UACA: variants seen among roughly 807,000 people sequenced by gnomAD.
UACA encodes the protein nuclear membrane binding protein.
A neutral mutation model predicts 160.5 loss-of-function variants in UACA; 112 were observed. The ratio of observed to expected loss-of-function variants is 0.70; its 90% CI spans 0.60 to 0.82. The LOEUF is 0.82. Ranked by LOEUF, UACA falls within the 40% of genes least tolerant of loss-of-function variation. The pLI is 0.00. For missense variants in UACA, 1,574 were observed against 1,614.6 expected (o/e 0.97, Z 0.43); for synonymous variants, 557 against 568.4 (o/e 0.98, Z 0.29).
Position 70,668,606 on chromosome 15 carries a change from C to T in UACA, c.2078G>A (p.Arg693Lys), listed in dbSNP as rs1299359674. The part of the protein sequence containing the change: ...KPEEHEQVKS[R>K]LEQKSGELGK... ...AAGTTCTCCTGATTTCTGTTCTAATCTGCTCTTAACCTGTTCATGTTCCTC... is the reference window on the plus strand; with the variant it reads ...AAGTTCTCCTGATTTCTGTTCTAATTTGCTCTTAACCTGTTCATGTTCCTC... Residue 693 changes from arginine to lysine, a missense_variant, in exon 16 of 19, where the codon AGA (arginine) becomes AAA (lysine). By Grantham distance (26) the Arg-to-Lys change is conservative. Transcript: ENST00000322954. The T allele has an allele frequency of 1.2e-6, 2 of 1,613,812 alleles. No homozygotes were observed. Among genetic ancestry groups the T allele is most frequent in the Admixed American group, 3.3e-5 (2 of 60,004 alleles).
intron 5 of UACA, 57 bp downstream of exon 5, chr15:70,690,397 A>C (rs1225390709): frequency 2.6e-5 from 38 of 1,486,370 alleles, no homozygotes; most frequent in Non-Finnish European, 3.5e-5. Flanking sequence ...CCTGAAATTA[A>C]TTCAAATGAC....
intron 1 of UACA, among the ~76,000 whole-genome samples, chr15:70,748,522 T>C (rs1189805503): frequency 6.6e-6 from 1 of 152,164 alleles, no homozygotes; most frequent in African/African-American, 2.4e-5. Context: ...CTCCGGTACT[T>C]GGCTCACCCT....
Position 70,656,865 on chromosome 15 carries a change from AAAT to A in UACA, c.*188_*190del. The A allele has an allele frequency of 6.3e-6, 3 of 472,654 alleles. No individual in the cohort carries two copies. Among genetic ancestry groups the A allele is most frequent in the Non-Finnish European group, 1.1e-5 (3 of 266,456 alleles). The allele number at this position is 472,654 out of a possible 1,614,324, so 29.3% of individuals were successfully genotyped here. A position where few individuals can be genotyped will look rare whatever the true frequency, so the allele number is the denominator to read the frequency against. Reference sequence around the variant, plus strand: ...TATTTGTAAAATTAACACATACAGAAAATAAGATTCAAACTGATATTGAAAAAG... The same window carrying A: ...TATTTGTAAAATTAACACATACAGAAAAGATTCAAACTGATATTGAAAAAG... On this transcript the variant is annotated 3_prime_UTR_variant, in exon 19 of 19. Coordinates refer to ENST00000322954, the MANE Select transcript of UACA (RefSeq NM_018003.4).
In UACA at chr15:70,689,184, T is replaced by C. The variant is rs147029689; in HGVS notation, c.424+1270A>G. 2.0e-5 allele frequency among the ~76,000 whole-genome samples: 3 copies of C among 152,298 alleles called. No homozygotes were observed. In the East Asian group the frequency reaches 5.8e-4, roughly 29 times the overall value. On this transcript the variant is annotated intron_variant, in intron 5 of 18. Coordinates refer to ENST00000322954, the MANE Select transcript of UACA (RefSeq NM_018003.4). ...GCTTCAACCTTGCAGTTAAGGAAGATACTCACAGGTAAGTGGAGAAACAAG... is the reference window on the plus strand; with the variant it reads ...GCTTCAACCTTGCAGTTAAGGAAGACACTCACAGGTAAGTGGAGAAACAAG...
intron 1 of UACA, among the ~76,000 whole-genome samples, chr15:70,703,502 T>C (rs1393236492): frequency 6.6e-6 from 1 of 152,154 alleles, no homozygotes; most frequent in Non-Finnish European, 1.5e-5. Context: ...CCACGAGATA[T>C]CACAATGGAT....
At chr15:70,713,219 C>T (rs1382112716) in intron 1 of UACA, among the ~76,000 whole-genome samples, 1 of 152,114 alleles carries the variant, frequency 6.6e-6, no homozygotes, top group Admixed American at 6.5e-5. Context: ...CGCGCGGTGG[C>T]CGGCGCCTGT....
upstream of UACA, among the ~76,000 whole-genome samples, chr15:70,764,064 C>G (rs1174863977): frequency 2.6e-5 from 4 of 152,290 alleles, no homozygotes; most frequent in South Asian, 2.1e-4. Context: ...TAAACAGTCT[C>G]TAAGAAATAA....
chr15:70,766,902 G>A (rs1014350423), upstream of UACA, among the ~76,000 whole-genome samples: 1 of 152,112 alleles, frequency 6.6e-6, no homozygotes, highest in African/African-American at 2.4e-5. Context: ...TGATGATAAC[G>A]GCAAAAACGA....
chr15:70,665,116 A>G (rs1277203351), intron 16 of UACA, among the ~76,000 whole-genome samples: 1 of 152,242 alleles, frequency 6.6e-6, no homozygotes, highest in African/African-American at 2.4e-5. Context: ...CTACGAAGGC[A>G]CATGAACTAT....
At chr15:70,671,766 T>A (rs1897147468) in intron 14 of UACA, 199 bp downstream of exon 14, 2 of 372,092 alleles carry the variant, frequency 5.4e-6, no homozygotes, top group Non-Finnish European at 9.5e-6. Context: ...CTAAGGAGAA[T>A]CAGAGCTTCA....
chr15:70,677,356 T>C (rs1026213016), intron 11 of UACA, among the ~76,000 whole-genome samples: 8 of 152,224 alleles, frequency 5.3e-5, no homozygotes, highest in African/African-American at 1.7e-4. Context: ...TGAGAACCTA[T>C]CAACCACCAA....
intron 1 of UACA, chr15:70,748,790 T>G (rs1456147552): frequency 6.6e-6 from 1 of 152,518 alleles, no homozygotes; most frequent in Non-Finnish European, 1.5e-5. Flanking sequence ...ATTTAAGTGT[T>G]TATAAGTGAG....
intron 1 of UACA, among the ~76,000 whole-genome samples, chr15:70,739,317 G>A (rs1235560270): frequency 1.3e-5 from 2 of 152,092 alleles, no homozygotes; most frequent in Admixed American, 1.3e-4. Context: ...GCACATTGTA[G>A]GATGTGCAGC....
chr15:70,681,702 C>G (rs1897512457), intron 9 of UACA: 1 of 152,102 alleles, frequency 6.6e-6, no homozygotes, highest in Non-Finnish European at 1.5e-5. Flanking sequence ...GGAACAGTTG[C>G]TCCAGATGGA....
At chr15:70,660,504 CAT>C (rs1896668622) in intron 17 of UACA, 1 of 352,874 alleles carries the variant, frequency 2.8e-6, no homozygotes, top group Non-Finnish European at 5.1e-6. Flanking sequence ...ACACTTATCA[CAT>C]GTCTGGATTA....
intron 3 of UACA, among the ~76,000 whole-genome samples, chr15:70,692,190 T>C (rs145428309): frequency 5.7e-4 from 87 of 152,272 alleles, no homozygotes; most frequent in African/African-American, 2.0e-3. Flanking sequence ...CTTTTAGAGA[T>C]AAGGTTTCAC....
intron 7 of UACA, 147 bp downstream of exon 7, chr15:70,687,393 A>T: frequency 1.5e-6 from 1 of 654,312 alleles, no homozygotes; most frequent in South Asian, 1.9e-5. Flanking sequence ...TGACAAGTAG[A>T]TGTTAATTCC....
chr15:70,722,407 AC>A (rs897369925), intron 1 of UACA, among the ~76,000 whole-genome samples: 6 of 151,498 alleles, frequency 4.0e-5, no homozygotes, highest in Admixed American at 6.6e-5. Context: ...GGCCTCGATC[AC>A]CTAGGCTCAA....
intron 7 of UACA, among the ~76,000 whole-genome samples, chr15:70,686,597 T>A (rs1897733242): frequency 6.6e-6 from 1 of 150,738 alleles, no homozygotes; most frequent in Non-Finnish European, 1.5e-5. Context: ...ACCCATTAAC[T>A]CGTCATTTAG....
Sources: gnomAD v4.1 joint callset for allele counts (sites outside exome capture counted in the v4.1 genomes callset) on GRCh38, gnomAD v4.1.1 for gene constraint, MANE v1.5 for transcripts, NCBI Gene and HGNC (gene_info 2026-07-23, HGNC 2026-07-21) for gene names.